DYNC2H1: variants seen among roughly 807,000 people sequenced by gnomAD.
The protein encoded by DYNC2H1 is cytoplasmic dynein 2 heavy chain 1.
DYNC2H1 carries 410 observed loss-of-function variants against 570.0 expected under a neutral mutation model. The observed-to-expected ratio is 0.72, with a 90% CI of 0.66 to 0.78. The LOEUF is 0.78. DYNC2H1 is among the 30% of genes least tolerant of loss of function. The probability of loss-of-function intolerance (pLI) is 0.00; values close to 1 mark genes in which losing one functional copy is unlikely to be tolerated. For missense variants in DYNC2H1, 4,865 were observed against 5,046.4 expected, an observed-to-expected ratio of 0.96 and a Z score of 1.09; for synonymous variants, 1,688 against 1,677.6, an observed-to-expected ratio of 1.01 and a Z score of -0.15.
intron 63 of DYNC2H1, among the ~76,000 whole-genome samples, chr11:103,240,511 CTT>C (rs1439002698): frequency 6.6e-6 from 1 of 152,100 alleles, no homozygotes; most frequent in Non-Finnish European, 1.5e-5. Flanking sequence ...ATATCACAGT[CTT>C]TTCTCAGTAA....
At chr11:103,306,761 T>C (rs1433305158) in intron 77 of DYNC2H1, among the ~76,000 whole-genome samples, 2 of 152,184 alleles carry the variant, frequency 1.3e-5, no homozygotes, top group South Asian at 2.1e-4. Context: ...CATTCTCTTT[T>C]AGAGCTATCA....
rs373947682 is a variant in DYNC2H1 at position 103,297,744 on chromosome 11, A to G, written c.11096-5349A>G. 1.2e-4 allele frequency among the ~76,000 whole-genome samples: 19 copies of G among 152,188 alleles called. No homozygotes were observed. The South Asian group carries it at 3.3e-3, about 27-fold the overall frequency. ...TCTTTCCTCTCTTTTCTTTCTTTCTATACTCAATCTACCATCAAATTCTTT... is the reference window on the plus strand; with the variant it reads ...TCTTTCCTCTCTTTTCTTTCTTTCTGTACTCAATCTACCATCAAATTCTTT... On this transcript the variant is annotated intron_variant, in intron 75 of 88. Transcript: ENST00000375735.
At chr11:103,211,356 G>T (rs778527638) in intron 53 of DYNC2H1, among the ~76,000 whole-genome samples, 17 of 151,896 alleles carry the variant, frequency 1.1e-4, no homozygotes, top group Non-Finnish European at 1.9e-4. Context: ...TTAACTTTTT[G>T]GCTTTTGAAG....
chr11:103,394,956 G>A (rs1942333868), intron 83 of DYNC2H1, among the ~76,000 whole-genome samples: 1 of 151,920 alleles, frequency 6.6e-6, no homozygotes. Flanking sequence ...AACTCAAAAT[G>A]CTGTTTTCTT....
rs1860908336 is a variant in DYNC2H1, at chr11:103,157,939, A to G, written c.4128-738A>G. Among the ~76,000 whole-genome samples, 1 of 151,944 alleles carries G rather than the reference A, an allele frequency of 6.6e-6. No homozygotes were observed. The highest frequency in any genetic ancestry group is 2.4e-5 in the African/African-American group (1 of 41,354). ...AGAATCTTTGCCAGAAACGTCTTCTACTCACTCACTTTTTCATTTTATTCT... is the reference window on the plus strand; with the variant it reads ...AGAATCTTTGCCAGAAACGTCTTCTGCTCACTCACTTTTTCATTTTATTCT... On this transcript the variant is annotated intron_variant, in intron 26 of 88. Transcript: ENST00000375735. The surrounding 1 kb of genome is among the most constrained non-coding windows in gnomAD (Gnocchi z 4.2).
chr11:103,337,480 C>A lies in DYNC2H1; in HGVS notation c.12039+13490C>A, dbSNP rs188684100. Reference sequence around the variant, plus strand: ...ACATCCATACTGTTTTCCATAGTAGCTTACTAATTTACCTTCTAACTGTGT... The same window carrying A: ...ACATCCATACTGTTTTCCATAGTAGATTACTAATTTACCTTCTAACTGTGT... On this transcript the variant is annotated intron_variant, in intron 82 of 88. Coordinates refer to ENST00000375735, the MANE Select transcript of DYNC2H1 (RefSeq NM_001377.3). 6.6e-5 allele frequency among the ~76,000 whole-genome samples: 10 copies of A among 152,282 alleles called. No individual in the cohort carries two copies. In the East Asian group the frequency reaches 1.7e-3, roughly 26 times the overall value.
intron 85 of DYNC2H1, among the ~76,000 whole-genome samples, chr11:103,452,342 T>TG (rs5794239): frequency 1.2e-5 from 1 of 84,436 alleles, no homozygotes; most frequent in African/African-American, 3.9e-5. Flanking sequence ...AATCACTTAA[T>TG]TTTTTTTTTT....
chr11:103,440,615 C>T (rs893116502), intron 85 of DYNC2H1, among the ~76,000 whole-genome samples: 1 of 152,116 alleles, frequency 6.6e-6, no homozygotes, highest in Admixed American at 6.6e-5. Flanking sequence ...GACATATAGA[C>T]TATCATTAAA....
chr11:103,340,179 G>A (rs940993346), intron 82 of DYNC2H1, among the ~76,000 whole-genome samples: 2 of 152,136 alleles, frequency 1.3e-5, no homozygotes, highest in Admixed American at 1.3e-4. Context: ...TTCTTGTGTT[G>A]ATAGTTGTTT....
At position 103,222,016 on chromosome 11, in the gene DYNC2H1, T is replaced by C. The variant is rs1383407473; in HGVS notation, c.9108-14T>C. On this transcript the variant is annotated splice_polypyrimidine_tract_variant and intron_variant, in intron 57 of 88. Coordinates refer to ENST00000375735, the MANE Select transcript of DYNC2H1 (RefSeq NM_001377.3). ...TTATTTAGCCTCATTTAAGGAAATA[T>C]GCTTTAATTTTAGTTTCCTTGCAAA... 6.2e-6 allele frequency: 10 copies of C among 1,601,948 alleles called. No individual in the cohort carries two copies. Among genetic ancestry groups the C allele is most frequent in the African/African-American group, 5.4e-5 (4 of 74,228 alleles).
chr11:103,278,531 A>T (rs935770017), intron 70 of DYNC2H1, among the ~76,000 whole-genome samples: 2 of 152,114 alleles, frequency 1.3e-5, no homozygotes, highest in South Asian at 2.1e-4. Flanking sequence ...GATGGAATTT[A>T]TATCCAGTTT....
chr11:103,276,566 A>G (rs1444863224), intron 70 of DYNC2H1, among the ~76,000 whole-genome samples: 3 of 152,114 alleles, frequency 2.0e-5, no homozygotes, highest in South Asian at 2.1e-4. Flanking sequence ...CAAAATACAC[A>G]TAAGAATAAA....
At position 103,176,340 on chromosome 11, in the gene DYNC2H1, C is replaced by G. The variant is rs367585820; in HGVS notation, c.5780C>G (p.Pro1927Arg). 1.3e-6 allele frequency: 2 copies of G among 1,582,444 alleles called. No homozygotes were observed. The highest frequency in any genetic ancestry group is 2.7e-5 in the African/African-American group (2 of 73,936). ...GATGCACTGATAAAAGATGTCTTTC[C>G]GGGAATTGAATTGAAAGAAGTGGAA... ...RFDALIKDVF[P>R]GIELKEVEYD... is the part of the protein sequence containing the mutation. The change falls in exon 37 of 89, where the codon CCG (proline) becomes CGG (arginine). Residue 1927 changes from proline to arginine, a missense_variant. Around this residue, in one of 5 missense-constraint regions of DYNC2H1, gnomAD observed 292 missense variants for 300.2 expected, o/e 0.97. Transcript: ENST00000375735.
chr11:103,238,273 A>C (rs548998357), intron 63 of DYNC2H1, among the ~76,000 whole-genome samples: 84 of 152,206 alleles, frequency 5.5e-4, no homozygotes, highest in Non-Finnish European at 6.5e-4. Context: ...TCTCCTCATT[A>C]ACTATGCTAA....
intron 17 of DYNC2H1, among the ~76,000 whole-genome samples, chr11:103,142,896 C>T (rs1860029514): frequency 6.6e-6 from 1 of 152,206 alleles, no homozygotes. Context: ...TTAACTGCCA[C>T]TGCAATACTT....
chr11:103,121,306 C>G, intron 9 of DYNC2H1, 66 bp from the exon 10 acceptor site: 9 of 1,500,328 alleles, frequency 6.0e-6, no homozygotes, highest in Middle Eastern at 1.8e-4. Flanking sequence ...GTGCTTGGTA[C>G]GTGGAAGTTA....
chr11:103,298,835 T>C (rs574781022), intron 75 of DYNC2H1, among the ~76,000 whole-genome samples: 1 of 152,290 alleles, frequency 6.6e-6, no homozygotes, highest in South Asian at 2.1e-4. Flanking sequence ...AACCTTAAAA[T>C]AGTAAGTTAA....
At position 103,199,248 on chromosome 11, in the gene DYNC2H1, A is replaced by G. The variant is rs530364023; in HGVS notation, c.7860A>G (p.Arg2620=). 1.9e-6 allele frequency: 3 copies of G among 1,591,294 alleles called. No homozygotes were observed. In the East Asian group the frequency reaches 6.8e-5, roughly 36 times the overall value. ...AAAAGGGTCTTATTCATTATGGACG[A>G]GATAACCAGAATTTAGACATTTTAC... ...VIKKGLIHYG[R]DNQNLDILLF... The change falls in exon 49 of 89, where the codon CGA becomes CGG. Residue 2620 remains arginine (R), a synonymous_variant. Coordinates refer to ENST00000375735, the MANE Select transcript of DYNC2H1 (RefSeq NM_001377.3). This position sits in a 1 kb window ranked among gnomAD's most constrained non-coding sequence, Gnocchi z 4.6.
chr11:103,115,342 C>A, intron 4 of DYNC2H1, 47 bp downstream of exon 4: 1 of 1,274,310 alleles, frequency 7.8e-7, no homozygotes. Context: ...TATAAAAGTA[C>A]TTTGGGATTC....
Sources: gnomAD v4.1 joint callset for allele counts (sites outside exome capture counted in the v4.1 genomes callset) on GRCh38, gnomAD v4.1.1 for gene constraint, gnomAD v4.1.1 regional missense constraint, Gnocchi (gnomAD v3.1) non-coding constraint, MANE v1.5 for transcripts, NCBI Gene and HGNC (gene_info 2026-07-23, HGNC 2026-07-21) for gene names.